ANKS1B: variants seen among roughly 807,000 people sequenced by gnomAD.
The protein encoded by ANKS1B is ankyrin repeat and sterile alpha motif domain-containing protein 1B.
Under a neutral mutation model 148.3 loss-of-function variants are expected in ANKS1B, and 36 were observed. That is an observed-to-expected ratio of 0.24 (90% confidence interval 0.19 to 0.32). The LOEUF (loss-of-function observed/expected upper bound fraction) is 0.32, where lower values mean the gene tolerates loss of function less well. ANKS1B is among the 10% of genes least tolerant of loss of function. ANKS1B has a pLI of 1.00. For missense variants in ANKS1B, 1,157 were observed against 1,542.6 expected, an observed-to-expected ratio of 0.75 and a Z score of 4.19; for synonymous variants, 542 against 560.8, an observed-to-expected ratio of 0.97 and a Z score of 0.47.
At position 99,791,440 on chromosome 12, in the gene ANKS1B, T is replaced by C. The variant is rs554201925; in HGVS notation, c.670-9343A>G. Among the ~76,000 whole-genome samples the C allele has an allele frequency of 2.6e-5, 4 of 151,966 alleles. No homozygotes were observed. In the East Asian group the frequency reaches 5.8e-4, roughly 22 times the overall value. ...AGAAAAAATGGAACATTTTATCTGA[T>C]GGCTGCAAAATACATATTCTTCTCC... On this transcript the variant is annotated intron_variant, in intron 4 of 26. Transcript: ENST00000683438.
chr12:99,625,683 T>A (rs761223922), intron 9 of ANKS1B, among the ~76,000 whole-genome samples: 1 of 152,122 alleles, frequency 6.6e-6, no homozygotes, highest in Non-Finnish European at 1.5e-5. Flanking sequence ...AACTTCATGA[T>A]AACAATGCAG....
intron 1 of ANKS1B, among the ~76,000 whole-genome samples, chr12:99,919,007 C>T (rs548802992): frequency 1.3e-5 from 2 of 152,258 alleles, no homozygotes; most frequent in South Asian, 2.1e-4. Context: ...GGTAAATCAA[C>T]CAGGCTAGGA....
intron 8 of ANKS1B, among the ~76,000 whole-genome samples, chr12:99,710,425 T>C (rs2056466121): frequency 6.6e-6 from 1 of 152,060 alleles, no homozygotes; most frequent in African/African-American, 2.4e-5. Context: ...AACCTATAGT[T>C]TATGGGATAA....
Position 99,407,523 on chromosome 12 carries a change from G to C in ANKS1B, c.1576-7712C>G, listed in dbSNP as rs2094560677. On this transcript the variant is annotated intron_variant, in intron 11 of 26. Transcript: ENST00000683438. The stretch of plus-strand genomic sequence containing the variant: ...TACTGGAAGTCCTGGCTAGTAATCA[G>C]ACAAGAGAAAGAAATAAAGGGCATC... 1.4e-5 allele frequency among the ~76,000 whole-genome samples: 2 copies of C among 145,420 alleles called. 1 individual carries two copies. The highest frequency in any genetic ancestry group is 3.0e-5 in the Non-Finnish European group (2 of 65,844).
chr12:99,384,731 G>A (rs1386778205), intron 12 of ANKS1B, among the ~76,000 whole-genome samples: 5 of 150,946 alleles, frequency 3.3e-5, no homozygotes, highest in South Asian at 2.1e-4. Context: ...AGCATCACTC[G>A]TTTTGTGAAA....
At chr12:99,402,709 C>G (rs867421098) in intron 11 of ANKS1B, among the ~76,000 whole-genome samples, 1 of 146,284 alleles carries the variant, frequency 6.8e-6, no homozygotes, top group Non-Finnish European at 1.5e-5. Flanking sequence ...TTTTCTTTAT[C>G]CAGTCTATCA....
chr12:99,160,953 G>GA, intron 14 of ANKS1B, among the ~76,000 whole-genome samples: 1 of 152,170 alleles, frequency 6.6e-6, no homozygotes, highest in South Asian at 2.1e-4. Context: ...TTATAGCATA[G>GA]TTTGAAGTCA....
At chr12:99,915,485 C>T (rs2094145505) in intron 1 of ANKS1B, among the ~76,000 whole-genome samples, 1 of 152,074 alleles carries the variant, frequency 6.6e-6, no homozygotes, top group Non-Finnish European at 1.5e-5. Context: ...GCAAGGAAAT[C>T]ATAAGTAGGT....
At chr12:99,353,375 T>C (rs185031556) in intron 12 of ANKS1B, among the ~76,000 whole-genome samples, 3 of 152,140 alleles carry the variant, frequency 2.0e-5, no homozygotes, top group Non-Finnish European at 4.4e-5. Context: ...ACATAATAAA[T>C]GGCACTGGCT....
chr12:99,486,215 T>C (rs2096486449), intron 10 of ANKS1B, among the ~76,000 whole-genome samples: 1 of 151,990 alleles, frequency 6.6e-6, no homozygotes, highest in African/African-American at 2.4e-5. Context: ...TTAATATTCC[T>C]TTTTTCCCCT....
chr12:99,464,810 G>C (rs180905453), intron 10 of ANKS1B, among the ~76,000 whole-genome samples: 2 of 152,126 alleles, frequency 1.3e-5, no homozygotes, highest in African/African-American at 4.8e-5. Flanking sequence ...CCAAATCTAC[G>C]TCTGATTGGT....
chr12:99,591,769 G>A (rs911900499), intron 9 of ANKS1B, among the ~76,000 whole-genome samples: 8 of 152,186 alleles, frequency 5.3e-5, no homozygotes, highest in African/African-American at 1.2e-4. Context: ...GGCTCTCTTC[G>A]AGAAAGAGGA....
At chr12:99,058,071 TCC>T (rs2040884948) in intron 16 of ANKS1B, among the ~76,000 whole-genome samples, 1 of 152,162 alleles carries the variant, frequency 6.6e-6, no homozygotes, top group South Asian at 2.1e-4. Flanking sequence ...TTGGTGTTTA[TCC>T]ATTATGCCTG....
intron 1 of ANKS1B, among the ~76,000 whole-genome samples, chr12:99,924,931 A>T (rs1461328711): frequency 6.6e-6 from 1 of 152,132 alleles, no homozygotes; most frequent in Non-Finnish European, 1.5e-5. Context: ...CATAGCATTT[A>T]TCACTACTAG....
intron 12 of ANKS1B, among the ~76,000 whole-genome samples, chr12:99,296,757 C>T (rs185180462): frequency 6.6e-5 from 10 of 152,146 alleles, no homozygotes; most frequent in Admixed American, 5.9e-4. Context: ...CCAAAAAGTG[C>T]CTTTGATAAG....
intron 15 of ANKS1B, among the ~76,000 whole-genome samples, chr12:99,150,301 A>G (rs1368905636): frequency 1.3e-5 from 2 of 152,214 alleles, no homozygotes; most frequent in East Asian, 3.8e-4. Context: ...AGAAGCTTTC[A>G]GTCTAATTGG....
chr12:99,059,601 CA>C (rs2041644670), intron 16 of ANKS1B, among the ~76,000 whole-genome samples: 1 of 151,820 alleles, frequency 6.6e-6, no homozygotes, highest in South Asian at 2.1e-4. Flanking sequence ...TAGCCATGGG[CA>C]AGTCACTTCA....
At position 98,760,426 on chromosome 12, in the gene ANKS1B, T is replaced by C. The variant is rs2098379392; in HGVS notation, c.3580-8904A>G. 3.3e-5 allele frequency among the ~76,000 whole-genome samples: 5 copies of C among 152,172 alleles called. No homozygotes were observed. In the South Asian group the frequency reaches 1.0e-3, roughly 32 times the overall value. ...ACCACAGGTAATGTGTCATCACACC[T>C]GGCTGATTTTTGTATGTTTTTTAGA... On this transcript the variant is annotated intron_variant, in intron 25 of 26. Coordinates refer to ENST00000683438, the MANE Select transcript of ANKS1B (RefSeq NM_001352186.2).
chr12:99,310,748 C>G lies in ANKS1B; in HGVS notation c.1757-63884G>C, dbSNP rs139432261. Reference sequence around the variant, plus strand: ...CTTGGGAGTTGCCTGCTTCCATAATCATGTGAGCCAATTCCTTACAATAAA... The same window carrying G: ...CTTGGGAGTTGCCTGCTTCCATAATGATGTGAGCCAATTCCTTACAATAAA... On this transcript the variant is annotated intron_variant, in intron 12 of 26. Coordinates refer to ENST00000683438, the MANE Select transcript of ANKS1B (RefSeq NM_001352186.2). Among the ~76,000 whole-genome samples the G allele has an allele frequency of 2.2e-4, 33 of 152,292 alleles. 1 individual carries two copies. Among genetic ancestry groups the G allele is most frequent in the African/African-American group, 7.5e-4 (31 of 41,574 alleles).
Sources: allele counts gnomAD v4.1 joint callset (sites outside exome capture counted in the v4.1 genomes callset), GRCh38; gene constraint gnomAD v4.1.1; transcripts MANE v1.5; gene names NCBI Gene and HGNC (gene_info 2026-07-23, HGNC 2026-07-21).